The following CDH13 variants were observed in gnomAD, a reference collection of about 807,000 sequenced individuals.
CDH13 encodes the protein cadherin-13.
In CDH13, 24 loss-of-function variants were observed where a neutral mutation model predicts 63.8. The observed-to-expected ratio is 0.38, with a 90% CI of 0.27 to 0.53. The LOEUF is 0.53. Among genes scored for constraint, CDH13 ranks in the 20% least tolerant of loss-of-function variants. The pLI, the probability that CDH13 is intolerant of heterozygous loss-of-function variation, is 0.85. For missense variants in CDH13, 1,049 were observed against 903.1 expected, an observed-to-expected ratio of 1.16 and a Z score of -2.07; for synonymous variants, 503 against 355.3, an observed-to-expected ratio of 1.42 and a Z score of -4.67.
At chr16:82,958,704 A>G (rs1463528498) in intron 2 of CDH13, among the ~76,000 whole-genome samples, 1 of 152,250 alleles carries the variant, frequency 6.6e-6, no homozygotes, top group East Asian at 1.9e-4. Context: ...CACTTGACCC[A>G]GGAGGCACCA....
chr16:83,461,223 T>A (rs921860181), intron 6 of CDH13, among the ~76,000 whole-genome samples: 7 of 152,184 alleles, frequency 4.6e-5, no homozygotes, highest in African/African-American at 1.7e-4. Context: ...TACACATACA[T>A]GTATATGTAC....
At chr16:82,670,863 T>C (rs537632806) in intron 1 of CDH13, among the ~76,000 whole-genome samples, 3 of 152,200 alleles carry the variant, frequency 2.0e-5, no homozygotes, top group Middle Eastern at 3.2e-3. Flanking sequence ...ACCTGAGATA[T>C]AAACAAAACA....
intron 1 of CDH13, among the ~76,000 whole-genome samples, chr16:82,737,029 C>A (rs1465290275): frequency 6.6e-6 from 1 of 152,172 alleles, no homozygotes; most frequent in African/African-American, 2.4e-5. Flanking sequence ...TAAAAATATT[C>A]TCTGACTTTC....
At chr16:83,030,208 C>T (rs1238191797) in intron 2 of CDH13, among the ~76,000 whole-genome samples, 2 of 152,192 alleles carry the variant, frequency 1.3e-5, no homozygotes, top group African/African-American at 4.8e-5. Context: ...TCCATATCAG[C>T]ACCACTGCCT....
intron 6 of CDH13, among the ~76,000 whole-genome samples, chr16:83,469,304 G>A (rs966712926): frequency 6.6e-6 from 1 of 152,182 alleles, no homozygotes; most frequent in African/African-American, 2.4e-5. Context: ...GGCCAGTGTT[G>A]CTGTTTCTCA....
At chr16:83,076,475 ATCATTTC>A (rs1056420049) in intron 3 of CDH13, among the ~76,000 whole-genome samples, 2 of 152,172 alleles carry the variant, frequency 1.3e-5, no homozygotes, top group African/African-American at 2.4e-5. Context: ...ATTTCATAAA[ATCATTTC>A]TGAACCGTGA....
chr16:83,666,407 A>T (rs993391282), intron 8 of CDH13, among the ~76,000 whole-genome samples: 1 of 152,240 alleles, frequency 6.6e-6, no homozygotes, highest in African/African-American at 2.4e-5. Flanking sequence ...CAAATACTAT[A>T]ATAATTGTGT....
At chr16:83,240,559 T>C (rs939554969) in intron 5 of CDH13, among the ~76,000 whole-genome samples, 4 of 151,862 alleles carry the variant, frequency 2.6e-5, no homozygotes, top group African/African-American at 9.7e-5. Context: ...ATTTGCAGTA[T>C]GTCTTGAAAG....
chr16:83,121,260 T>G (rs1006661640), intron 3 of CDH13, among the ~76,000 whole-genome samples: 6 of 152,234 alleles, frequency 3.9e-5, no homozygotes, highest in Non-Finnish European at 8.8e-5. Flanking sequence ...TATTCTTCTG[T>G]GATCACTATA....
chr16:83,182,358 A>C (rs950431799), intron 4 of CDH13, among the ~76,000 whole-genome samples: 2 of 152,200 alleles, frequency 1.3e-5, no homozygotes, highest in South Asian at 2.1e-4. Flanking sequence ...GAAGAGTCAT[A>C]ATGCCAGGTT....
At chr16:82,936,353 C>T (rs553142908) in intron 2 of CDH13, among the ~76,000 whole-genome samples, 2 of 152,266 alleles carry the variant, frequency 1.3e-5, no homozygotes, top group South Asian at 2.1e-4. Context: ...TCATCAGGAA[C>T]GTGAACCCTA....
intron 2 of CDH13, among the ~76,000 whole-genome samples, chr16:82,970,566 A>G (rs1908587257): frequency 8.2e-6 from 1 of 121,864 alleles, no homozygotes. Context: ...CGCCCGGCTA[A>G]TTTTTTGTAT....
intron 1 of CDH13, among the ~76,000 whole-genome samples, chr16:82,670,548 C>T (rs961680307): frequency 2.0e-5 from 3 of 152,028 alleles, no homozygotes; most frequent in East Asian, 1.9e-4. Flanking sequence ...CTGAAGGCAG[C>T]GGGGCACACG....
intron 1 of CDH13, among the ~76,000 whole-genome samples, chr16:82,740,467 A>G (rs1216842575): frequency 6.6e-6 from 1 of 152,212 alleles, no homozygotes. Context: ...TAGGGGTGGA[A>G]TATGCCAGTG....
Position 82,992,291 on chromosome 16 carries a change from C to T in CDH13, c.158-39719C>T, listed in dbSNP as rs555329304. Among the ~76,000 whole-genome samples, 16 of 152,238 alleles carry T rather than the reference C, an allele frequency of 1.1e-4. No individual in the cohort carries two copies. The South Asian group carries it at 2.7e-3, about 26-fold the overall frequency. On this transcript the variant is annotated intron_variant, in intron 2 of 13. Transcript: ENST00000567109. ...CTGAAATCAGCAGCTCTCAAATTTTCGTGGGCATCAGAATCACCAAGGATG... is the reference window on the plus strand; with the variant it reads ...CTGAAATCAGCAGCTCTCAAATTTTTGTGGGCATCAGAATCACCAAGGATG...
chr16:82,711,538 T>C (rs2031944995), intron 1 of CDH13, among the ~76,000 whole-genome samples: 1 of 152,156 alleles, frequency 6.6e-6, no homozygotes, highest in Non-Finnish European at 1.5e-5. Context: ...TAGAGGGTTC[T>C]GAAAAAATCA....
intron 1 of CDH13, among the ~76,000 whole-genome samples, chr16:82,654,487 A>G (rs2150913086): frequency 6.6e-6 from 1 of 152,320 alleles, no homozygotes; most frequent in East Asian, 1.9e-4. Context: ...AGATTTAGAT[A>G]AAGGCTGTGT....
At chr16:83,000,100 G>A (rs1379518849) in intron 2 of CDH13, among the ~76,000 whole-genome samples, 1 of 152,104 alleles carries the variant, frequency 6.6e-6, no homozygotes, top group South Asian at 2.1e-4. Context: ...TCTATACAGG[G>A]TGGAGGATGT....
intron 1 of CDH13, among the ~76,000 whole-genome samples, chr16:82,714,816 C>G (rs898877944): frequency 7.0e-6 from 1 of 143,704 alleles, no homozygotes; most frequent in African/African-American, 2.6e-5. Context: ...TCAAGGGACA[C>G]CAAAACTGCC....
Sources: gnomAD v4.1 joint callset for allele counts (sites outside exome capture counted in the v4.1 genomes callset) on GRCh38, gnomAD v4.1.1 for gene constraint, MANE v1.5 for transcripts, NCBI Gene and HGNC (gene_info 2026-07-23, HGNC 2026-07-21) for gene names.